The following ADGRE1 variants were observed in gnomAD, a reference collection of about 807,000 sequenced individuals.
ADGRE1 encodes adhesion G protein-coupled receptor E1.
Under a neutral mutation model 102.7 loss-of-function variants are expected in ADGRE1, and 82 were observed. That is an observed-to-expected ratio of 0.80 (90% CI 0.67 to 0.96). The LOEUF is 0.96. Among genes scored for constraint, ADGRE1 ranks in the 40% least tolerant of loss-of-function variants. The probability of loss-of-function intolerance (pLI) is 0.00; values close to 1 mark genes in which losing one functional copy is unlikely to be tolerated. For missense variants in ADGRE1, 1,032 were observed against 1,085.3 expected (o/e 0.95, Z 0.69); for synonymous variants, 398 against 399.6 (o/e 1.00, Z 0.05).
chr19:6,915,096 C>A (rs187474847), intron 11 of ADGRE1, among the ~76,000 whole-genome samples: 184 of 152,108 alleles, frequency 1.2e-3, no homozygotes, highest in Non-Finnish European at 2.4e-3. Flanking sequence ...GCTTTGCACT[C>A]CCAGGCTCAA....
intron 2 of ADGRE1, among the ~76,000 whole-genome samples, chr19:6,894,593 G>A (rs760009951): frequency 3.9e-5 from 6 of 152,202 alleles, no homozygotes; most frequent in Non-Finnish European, 8.8e-5. Context: ...GAGGCTGAAT[G>A]ATGTGGTTGG....
chr19:6,903,729 G>A, intron 6 of ADGRE1, 81 bp from the exon 7 acceptor site: 1 of 1,563,660 alleles, frequency 6.4e-7, no homozygotes, highest in South Asian at 1.2e-5. Flanking sequence ...AGTGAAACAT[G>A]ACTCCATATT....
intron 10 of ADGRE1, among the ~76,000 whole-genome samples, chr19:6,910,296 T>A (rs779709722): frequency 6.6e-6 from 1 of 152,082 alleles, no homozygotes; most frequent in Non-Finnish European, 1.5e-5. Context: ...AATATTCCAA[T>A]TCCCCCCTCC....
chr19:6,924,688 C>G lies in ADGRE1; in HGVS notation c.1802C>G (p.Ser601Cys), dbSNP rs754015513. 1 of 1,613,872 alleles carries G rather than the reference C, an allele frequency of 6.2e-7. No homozygotes were observed. The highest frequency in any genetic ancestry group is 1.1e-5 in the South Asian group (1 of 91,064). The change falls in exon 15 of 21, where the codon TCC becomes TGC. Residue 601 changes from serine (S) to cysteine (C), a missense_variant. Ser to Cys is a moderately radical substitution (Grantham distance 112). Coordinates refer to ENST00000312053, the MANE Select transcript of ADGRE1 (RefSeq NM_001974.5). Reference sequence around the variant, plus strand: ...ATTCCTTCCTGACAGATGGACTTTTCCTTGTACATCATTAGCCATGTAGGC... The same window carrying G: ...ATTCCTTCCTGACAGATGGACTTTTGCTTGTACATCATTAGCCATGTAGGC... ...MASGELTMDF[S>C]LYIISHVGII... is the part of the protein sequence containing the mutation.
At chr19:6,939,978 A>T (rs1332082403) in intron 20 of ADGRE1, 46 bp from the exon 21 acceptor site, 2 of 1,610,674 alleles carry the variant, frequency 1.2e-6, no homozygotes, top group East Asian at 4.5e-5. Flanking sequence ...TCACGTTTGT[A>T]TTAATTCTGC....
At chr19:6,899,449 C>T (rs1005276214) in intron 5 of ADGRE1, among the ~76,000 whole-genome samples, 23 of 152,008 alleles carry the variant, frequency 1.5e-4, no homozygotes, top group African/African-American at 4.6e-4. Flanking sequence ...GAGGCCAAGG[C>T]GGATGGATCA....
intron 12 of ADGRE1, 115 bp from the exon 13 acceptor site, chr19:6,919,433 T>A: frequency 8.4e-6 from 5 of 592,918 alleles, no homozygotes; most frequent in East Asian, 4.0e-5. Flanking sequence ...TCTCTCCCCC[T>A]CCCTCCCTCT....
At chr19:6,888,032 T>TTTAA (rs1474022477) in intron 1 of ADGRE1, among the ~76,000 whole-genome samples, 13 of 152,220 alleles carry the variant, frequency 8.5e-5, no homozygotes, top group Admixed American at 2.0e-4. Context: ...ACATAGAGTG[T>TTTAA]ATCCAATTGT....
At chr19:6,921,964 T>G (rs1365757865) in intron 14 of ADGRE1, 81 bp downstream of exon 14, 1 of 1,489,436 alleles carries the variant, frequency 6.7e-7, no homozygotes, top group Non-Finnish European at 9.1e-7. Flanking sequence ...ACATCTGTTG[T>G]GTGTCTCCCA....
intron 5 of ADGRE1, chr19:6,898,209 G>C: frequency 9.8e-7 from 1 of 1,025,634 alleles, no homozygotes; most frequent in South Asian, 1.7e-5. Context: ...AAAGTGAAGC[G>C]CATATGGGAT....
At chr19:6,937,694 C>A (rs779600460) in intron 20 of ADGRE1, 46 bp downstream of exon 20, 1 of 1,585,082 alleles carries the variant, frequency 6.3e-7, no homozygotes, top group South Asian at 1.1e-5. Context: ...AGGGAGGTGC[C>A]GGCCTCTTGG....
chr19:6,911,385 G>GTTTTTATTTTTTTT (rs1974169988), intron 10 of ADGRE1, among the ~76,000 whole-genome samples: 1 of 79,844 alleles, frequency 1.3e-5, no homozygotes. Flanking sequence ...ATTCCTTTTA[G>GTTTTTATTTTTTTT]TTTTTTTTTT....
chr19:6,904,187 T>C lies in ADGRE1; in HGVS notation c.949+5T>C, dbSNP rs1471071830. On this transcript the variant is annotated splice_donor_5th_base_variant and intron_variant, in intron 8 of 20. Coordinates refer to ENST00000312053, the MANE Select transcript of ADGRE1 (RefSeq NM_001974.5). The stretch of plus-strand genomic sequence containing the variant: ...ATGGCAACTTCAGCTGCCAAAGTAA[T>C]AATCTCTTTGTATGTCTTGGCAATG... 1 of 1,613,548 alleles carries C rather than the reference T, an allele frequency of 6.2e-7. No homozygotes were observed. Among genetic ancestry groups the C allele is most frequent in the Non-Finnish European group, 8.5e-7 (1 of 1,179,976 alleles).
intron 17 of ADGRE1, 88 bp from the exon 18 acceptor site, chr19:6,934,899 G>T (rs546156825): frequency 1.2e-6 from 1 of 855,288 alleles, no homozygotes; most frequent in Non-Finnish European, 1.7e-6. Context: ...GAGCCACCAC[G>T]CCCAGCCCAG....
intron 20 of ADGRE1, among the ~76,000 whole-genome samples, chr19:6,939,571 CA>C (rs1463945601): frequency 6.6e-6 from 1 of 152,086 alleles, no homozygotes; most frequent in Admixed American, 6.6e-5. Context: ...ATTGTATTTT[CA>C]TGGTTGCAAT....
At position 6,913,768 on chromosome 19, in the gene ADGRE1, C is replaced by T. The variant is rs761232085; in HGVS notation, c.1238C>T (p.Thr413Ile). The change falls in exon 11 of 21, where the codon ACA becomes ATA. Residue 413 changes from threonine to isoleucine, a missense_variant. Thr to Ile is a moderately conservative substitution (Grantham distance 89, BLOSUM62 -1). Transcript: ENST00000312053. ...TVFLESVESM[T>I]LASFWKPSAN... ...TTCCTGGAGAGTGTGGAAAGCATGACACTGGCATCTTTTTGGAAACCCTCA... is the reference window on the plus strand; with the variant it reads ...TTCCTGGAGAGTGTGGAAAGCATGATACTGGCATCTTTTTGGAAACCCTCA... The T allele has an allele frequency of 6.2e-7, 1 of 1,612,404 alleles. No individual in the cohort carries two copies. Among genetic ancestry groups the T allele is most frequent in the Non-Finnish European group, 8.5e-7 (1 of 1,179,142 alleles).
rs1165862616 is a variant in ADGRE1 at position 6,907,339 on chromosome 19, A to AC, written c.1038+818_1038+819insC. 3.2e-5 allele frequency among the ~76,000 whole-genome samples: 4 copies of AC among 126,248 alleles called. No homozygotes were observed. In the East Asian group the frequency reaches 9.8e-4, roughly 31 times the overall value. The allele number at this position is 126,248 out of a possible 152,430, so 82.8% of individuals were successfully genotyped here. ...AATCATCACCTCAATCTAGTTCTAG[A>AC]AATTTTTTTTTTTTTTTGAGATGGA... On this transcript the variant is annotated intron_variant, in intron 9 of 20. Transcript: ENST00000312053.
chr19:6,937,539 T>C lies in ADGRE1; in HGVS notation c.2551-5T>C. The C allele has an allele frequency of 9.9e-6, 16 of 1,612,102 alleles. No homozygotes were observed. The highest frequency in any genetic ancestry group is 1.4e-5 in the Non-Finnish European group (16 of 1,179,252). On this transcript the variant is annotated splice_polypyrimidine_tract_variant and splice_region_variant and intron_variant, in intron 19 of 20. Transcript: ENST00000312053. ...TGCATCTGGATGATGTGTCTCCTTCTCCAGGTACGAGAAGAATACAAGAGG... is the reference window on the plus strand; with the variant it reads ...TGCATCTGGATGATGTGTCTCCTTCCCCAGGTACGAGAAGAATACAAGAGG...
chr19:6,914,514 T>A (rs959351717), intron 11 of ADGRE1, among the ~76,000 whole-genome samples: 4 of 152,220 alleles, frequency 2.6e-5, no homozygotes, highest in African/African-American at 9.6e-5. Context: ...GTAGATCTTT[T>A]ACATTAGCAC....
Sources: allele counts gnomAD v4.1 joint callset (sites outside exome capture counted in the v4.1 genomes callset), GRCh38; gene constraint gnomAD v4.1.1; transcripts MANE v1.5; gene names NCBI Gene and HGNC (gene_info 2026-07-23, HGNC 2026-07-21).